PTGR1: variants seen among roughly 807,000 people sequenced by gnomAD.
PTGR1 encodes the protein prostaglandin reductase 1, also known as 15-oxoprostaglandin 13-reductase.
Under a neutral mutation model 37.7 loss-of-function variants are expected in PTGR1, and 23 were observed. The ratio of observed to expected loss-of-function variants is 0.61; its 90% confidence interval spans 0.44 to 0.86. The LOEUF is 0.86. Among genes scored for constraint, PTGR1 ranks in the 40% least tolerant of loss-of-function variants. The probability of loss-of-function intolerance (pLI) is 0.00; values close to 1 mark genes in which losing one functional copy is unlikely to be tolerated. For synonymous variants in PTGR1, 134 were observed against 140.0 expected, an observed-to-expected ratio of 0.96 and a Z score of 0.30; for missense variants, 351 against 394.3, an observed-to-expected ratio of 0.89 and a Z score of 0.93.
intron 9 of PTGR1, among the ~76,000 whole-genome samples, chr9:111,568,281 C>A (rs922021629): frequency 6.6e-6 from 1 of 152,038 alleles, no homozygotes; most frequent in Non-Finnish European, 1.5e-5. Flanking sequence ...GAATGCATTC[C>A]TGGGGGAGGT....
At chr9:111,588,037 A>T (rs1401206151) in intron 4 of PTGR1, among the ~76,000 whole-genome samples, 2 of 142,154 alleles carry the variant, frequency 1.4e-5, no homozygotes, top group African/African-American at 2.6e-5. Flanking sequence ...TTTTTGAGAC[A>T]CAGTCTCTCT....
downstream of PTGR1, among the ~76,000 whole-genome samples, chr9:111,561,203 AAGAGTAT>A (rs1828312226): frequency 7.0e-6 from 1 of 142,658 alleles, no homozygotes; most frequent in African/African-American, 2.7e-5. Context: ...CTTCCTGTCC[AAGAGTAT>A]GGTACCTTTC....
At chr9:111,560,974 T>TATATATAG (rs1564607823), downstream of PTGR1, among the ~76,000 whole-genome samples, 2 of 9,334 alleles carry the variant, frequency 2.1e-4, no homozygotes, top group African/African-American at 9.8e-4. Flanking sequence ...TATATATATA[T>TATATATAG]AGAGAGAGAG....
At chr9:111,567,102 G>A (rs1167623403) in intron 9 of PTGR1, among the ~76,000 whole-genome samples, 5 of 151,250 alleles carry the variant, frequency 3.3e-5, no homozygotes, top group Non-Finnish European at 7.4e-5. Flanking sequence ...AACAAAAAAA[G>A]TCGGGGGGCG....
At chr9:111,569,885 T>C (rs1458999054) in intron 9 of PTGR1, 1 of 750,300 alleles carries the variant, frequency 1.3e-6, no homozygotes, top group African/African-American at 1.8e-5. Context: ...GCATTTGCAG[T>C]GGAAATGAAC....
Position 111,574,807 on chromosome 9 carries a change from C to T in PTGR1, c.687G>A (p.Gln229=), listed in dbSNP as rs200434619. The T allele has an allele frequency of 4.8e-5, 77 of 1,613,766 alleles. No individual in the cohort carries two copies. Among genetic ancestry groups the T allele is most frequent in the African/African-American group, 9.3e-5 (7 of 74,896 alleles). Reference sequence around the variant, plus strand: ...TGGCAATCCTTCCAAATTTCTTCATCTGGCCGATAACAGTGTTTGAAAACT... The same window carrying T: ...TGGCAATCCTTCCAAATTTCTTCATTTGGCCGATAACAGTGTTTGAAAACT... ...GGEFSNTVIG[Q]MKKFGRIAIC... The change falls in exon 8 of 10, where the codon CAG becomes CAA. Residue 229 remains glutamine, a synonymous_variant. Coordinates refer to ENST00000407693, the MANE Select transcript of PTGR1 (RefSeq NM_001146108.2).
At chr9:111,561,713 G>C (rs750457416), downstream of PTGR1, among the ~76,000 whole-genome samples, 9 of 152,164 alleles carry the variant, frequency 5.9e-5, no homozygotes, top group Non-Finnish European at 1.3e-4. Flanking sequence ...TAGAGGACCA[G>C]TATGGACTGG....
At chr9:111,559,885 T>C (rs1329793396), downstream of PTGR1, among the ~76,000 whole-genome samples, 3 of 152,200 alleles carry the variant, frequency 2.0e-5, no homozygotes, top group Non-Finnish European at 4.4e-5. Context: ...TTAGTTATCT[T>C]CCTTGAAGAC....
chr9:111,587,742 G>A (rs1032425737), intron 4 of PTGR1, among the ~76,000 whole-genome samples: 4 of 152,050 alleles, frequency 2.6e-5, no homozygotes, highest in Non-Finnish European at 4.4e-5. Context: ...GAGACACCGC[G>A]CCCGGATGTA....
In PTGR1 at chr9:111,574,788, T is replaced by C; in HGVS notation, c.706A>G (p.Ile236Val). The C allele has an allele frequency of 6.2e-7, 1 of 1,614,034 alleles. No homozygotes were observed. ...GTAGAGATGGCTCCACATATGGCAA[T>C]CCTTCCAAATTTCTTCATCTGGCCG... ...VIGQMKKFGR[I>V]AICGAISTYN... Residue 236 changes from isoleucine (I) to valine (V), a missense_variant, in exon 8 of 10, where the codon ATT (isoleucine) becomes GTT (valine). Physicochemically the swap from Ile to Val is conservative, Grantham distance 29. Transcript: ENST00000407693.
chr9:111,579,972 T>C (rs185873314), intron 6 of PTGR1, among the ~76,000 whole-genome samples: 1 of 152,334 alleles, frequency 6.6e-6, no homozygotes, highest in African/African-American at 2.4e-5. Flanking sequence ...AAAACCCCAG[T>C]TGGATTTACA....
Position 111,563,082 on chromosome 9 carries a change from A to G in PTGR1, c.*39T>C, listed in dbSNP as rs1828381806. ...TAAATGGTGAAAAACAAATTAACTAATCATCTAAATGGCCTCCAGATTCCA... is the reference window on the plus strand; with the variant it reads ...TAAATGGTGAAAAACAAATTAACTAGTCATCTAAATGGCCTCCAGATTCCA... On this transcript the variant is annotated 3_prime_UTR_variant, in exon 10 of 10. Coordinates refer to ENST00000407693, the MANE Select transcript of PTGR1 (RefSeq NM_001146108.2). 2 of 1,602,204 alleles carry G rather than the reference A, an allele frequency of 1.2e-6. No individual in the cohort carries two copies. Among genetic ancestry groups the G allele is most frequent in the East Asian group, 2.2e-5 (1 of 44,720 alleles).
intron 8 of PTGR1, 115 bp from the exon 9 acceptor site, chr9:111,570,324 C>G: frequency 1.4e-6 from 2 of 1,441,988 alleles, no homozygotes; most frequent in Non-Finnish European, 1.8e-6. Flanking sequence ...GGTGCTTCTC[C>G]CCTTCCATTT....
chr9:111,577,254 A>G (rs1829099739), intron 7 of PTGR1: 1 of 152,200 alleles, frequency 6.6e-6, no homozygotes, highest in South Asian at 2.1e-4. Context: ...CTCAAATCAG[A>G]ATGAAATATC....
downstream of PTGR1, among the ~76,000 whole-genome samples, chr9:111,558,051 G>A (rs538464800): frequency 6.6e-5 from 10 of 152,246 alleles, 1 homozygote; most frequent in South Asian, 1.5e-3. Flanking sequence ...GGAGGCTGAG[G>A]CAGGAAAATT....
At position 111,597,442 on chromosome 9, in the gene PTGR1, A is replaced by G. The variant is rs138519256; in HGVS notation, c.-10-10T>C. 670 of 1,551,440 alleles carry G rather than the reference A, an allele frequency of 4.3e-4. 3 individuals are homozygous for G. In the African/African-American group the frequency reaches 8.6e-3, roughly 20 times the overall value. ...AACCATCCTGAAGCTCCTAGAACAC[A>G]GTAAATATGTAGTCAACTGCCATGA... is the stretch of plus-strand genomic sequence containing the variant. On this transcript the variant is annotated splice_polypyrimidine_tract_variant and intron_variant, in intron 1 of 9. Coordinates refer to ENST00000407693, the MANE Select transcript of PTGR1 (RefSeq NM_001146108.2).
intron 7 of PTGR1, chr9:111,576,979 TACTCGG>T (rs1829085387): frequency 6.6e-6 from 1 of 152,092 alleles, no homozygotes. Flanking sequence ...TAATCCCAGC[TACTCGG>T]GAGGCTGAGG....
rs1829713548 is a variant in PTGR1, at chr9:111,594,349, G to A, written c.107-82C>T. On this transcript the variant is annotated intron_variant, in intron 2 of 9. Transcript: ENST00000407693. ...AGACACTGAGCACCACTAGACAGGAGGGGTGAGACAGGGACAAGGGTTGAG... is the reference window on the plus strand; with the variant it reads ...AGACACTGAGCACCACTAGACAGGAAGGGTGAGACAGGGACAAGGGTTGAG... 37 of 1,272,600 alleles carry A rather than the reference G, an allele frequency of 2.9e-5. No individual in the cohort carries two copies. The South Asian group carries it at 3.8e-4, about 13-fold the overall frequency. The allele number at this position is 1,272,600 out of a possible 1,614,324, so 78.8% of individuals were successfully genotyped here.
At chr9:111,554,219 GTTTT>G (rs1238303658) in intron 9 of PTGR1, among the ~76,000 whole-genome samples, 2 of 152,176 alleles carry the variant, frequency 1.3e-5, no homozygotes, top group South Asian at 4.1e-4. Context: ...TAGTTAATGG[GTTTT>G]TTGTTTGTTT....
Sources: allele counts gnomAD v4.1 joint callset (sites outside exome capture counted in the v4.1 genomes callset), GRCh38; gene constraint gnomAD v4.1.1; transcripts MANE v1.5; gene names NCBI Gene and HGNC (gene_info 2026-07-23, HGNC 2026-07-21).